Variants in COL18A1 observed in about 807,000 individuals in gnomAD.
COL18A1 encodes the protein collagen alpha-1(XVIII) chain.
Under a neutral mutation model 168.0 loss-of-function variants are expected in COL18A1, and 133 were observed. That is an observed-to-expected ratio of 0.79 (90% confidence interval 0.69 to 0.91). The LOEUF is 0.91. Ranked by LOEUF, COL18A1 falls within the 40% of genes least tolerant of loss-of-function variation. The pLI is 0.00. For synonymous variants in COL18A1, 949 were observed against 809.0 expected (o/e 1.17, Z -2.94); for missense variants, 2,126 against 1,925.4 (o/e 1.10, Z -1.95).
intron 38 of COL18A1, among the ~76,000 whole-genome samples, chr21:45,507,989 A>C (rs965294747): frequency 2.6e-5 from 4 of 152,114 alleles, no homozygotes; most frequent in African/African-American, 9.7e-5. Context: ...GGGTGAATCA[A>C]TGGGGAGGTG....
chr21:45,485,149 ATTTTTTTTTTT>A (rs751718038), intron 15 of COL18A1, among the ~76,000 whole-genome samples: 11 of 55,084 alleles, frequency 2.0e-4, no homozygotes, highest in South Asian at 6.3e-4. Flanking sequence ...CACCTGGCTA[ATTTTTTTTTTT>A]TTTTTTTTTT....
At chr21:45,486,654 TCTC>T (rs2036124431) in intron 15 of COL18A1, among the ~76,000 whole-genome samples, 1 of 152,346 alleles carries the variant, frequency 6.6e-6, no homozygotes, top group African/African-American at 2.4e-5. Flanking sequence ...TCCGTGGCTC[TCTC>T]CTCAGTTGTG....
chr21:45,500,128 TGTG>T (rs2036691392), intron 32 of COL18A1, among the ~76,000 whole-genome samples: 1 of 136,432 alleles, frequency 7.3e-6, no homozygotes, highest in Admixed American at 7.3e-5. Flanking sequence ...AGTGTGGGGG[TGTG>T]GGTGGAGTGT....
chr21:45,487,072 C>T, intron 16 of COL18A1, 80 bp downstream of exon 16: 2 of 1,311,514 alleles, frequency 1.5e-6, no homozygotes, highest in South Asian at 1.5e-5. Flanking sequence ...GCATCTCACT[C>T]ACAGAGCAGC....
At chr21:45,408,441 C>T (rs2033187626) in intron 2 of COL18A1, 1 of 152,306 alleles carries the variant, frequency 6.6e-6, no homozygotes, top group African/African-American at 2.4e-5. Flanking sequence ...CTCAGAGTGC[C>T]TTGTTCTGTC....
intron 2 of COL18A1, among the ~76,000 whole-genome samples, chr21:45,415,754 C>T (rs770225865): frequency 5.6e-4 from 85 of 152,362 alleles, no homozygotes; most frequent in African/African-American, 1.5e-3. Context: ...GAAGCACTCC[C>T]GGAAAGTGCC....
intron 2 of COL18A1, among the ~76,000 whole-genome samples, chr21:45,448,494 T>C (rs532031381): frequency 1.3e-5 from 2 of 152,368 alleles, no homozygotes; most frequent in African/African-American, 4.8e-5. Flanking sequence ...TATCCATGCA[T>C]GCATGTATCC....
intron 32 of COL18A1, chr21:45,502,544 A>G (rs939755364): frequency 1.3e-5 from 2 of 152,230 alleles, no homozygotes; most frequent in African/African-American, 4.8e-5. Context: ...TGTTTTATAT[A>G]TAAAAATAGC....
chr21:45,512,121 C>G (rs775479244), intron 41 of COL18A1, 67 bp from the exon 42 acceptor site: 1 of 1,532,094 alleles, frequency 6.5e-7, no homozygotes, highest in South Asian at 1.2e-5. Context: ...CTTTCCTGCC[C>G]GGGGAGCGGC....
chr21:45,512,476 C>A lies in COL18A1; in HGVS notation c.*78C>A. 7.2e-7 allele frequency: 1 copy of A among 1,390,934 alleles called. No homozygotes were observed. Among genetic ancestry groups the A allele is most frequent in the Non-Finnish European group, 1.0e-6 (1 of 1,001,870 alleles). The allele number at this position is 1,390,934 out of a possible 1,614,324, so 86.2% of individuals were successfully genotyped here. A position where few individuals can be genotyped will look rare whatever the true frequency, so the allele number is the denominator to read the frequency against. On this transcript the variant is annotated 3_prime_UTR_variant, in exon 42 of 42. Transcript: ENST00000651438. ...CCACCGTGGGCAGGGAGCGGCCGGCCAGCCCCTGGCCCCAGGACCTGGCTG... is the reference window on the plus strand; with the variant it reads ...CCACCGTGGGCAGGGAGCGGCCGGCAAGCCCCTGGCCCCAGGACCTGGCTG...
intron 34 of COL18A1, 128 bp from the exon 35 acceptor site, chr21:45,505,006 G>A: frequency 8.3e-7 from 1 of 1,211,010 alleles, no homozygotes; most frequent in Non-Finnish European, 1.2e-6. Context: ...GGCGTGGGCA[G>A]GGAGGGGACC....
chr21:45,407,031 A>C (rs1321490202), intron 2 of COL18A1, among the ~76,000 whole-genome samples: 2 of 151,852 alleles, frequency 1.3e-5, no homozygotes, highest in Non-Finnish European at 2.9e-5. Flanking sequence ...GCGGGTGGCC[A>C]GGAGGCTGAA....
chr21:45,507,841 C>T (rs2037314749), intron 38 of COL18A1, among the ~76,000 whole-genome samples: 1 of 152,228 alleles, frequency 6.6e-6, no homozygotes, highest in South Asian at 2.1e-4. Context: ...TCAACTTTCC[C>T]AGTTGTGTCT....
chr21:45,406,282 C>T (rs919970854), intron 2 of COL18A1, among the ~76,000 whole-genome samples: 2 of 152,196 alleles, frequency 1.3e-5, no homozygotes, highest in African/African-American at 4.8e-5. Context: ...TGGAATCCCA[C>T]CCGGGGGTCC....
intron 4 of COL18A1, among the ~76,000 whole-genome samples, chr21:45,474,803 G>T (rs1317688018): frequency 6.8e-6 from 1 of 146,948 alleles, no homozygotes; most frequent in Non-Finnish European, 1.5e-5. Context: ...AGACACCGTG[G>T]CTGGACTGTG....
intron 2 of COL18A1, among the ~76,000 whole-genome samples, chr21:45,454,461 G>A (rs1467939201): frequency 6.6e-6 from 1 of 152,198 alleles, no homozygotes; most frequent in Non-Finnish European, 1.5e-5. Flanking sequence ...GCACTGAGGG[G>A]GTGGGTGGAT....
chr21:45,456,656 C>A, intron 2 of COL18A1: 8 of 1,534,680 alleles, frequency 5.2e-6, no homozygotes, highest in Non-Finnish European at 7.0e-6. Context: ...GTGGGGGGGC[C>A]TGCTGCAGAC....
At chr21:45,479,703 C>G (rs2035825178) in intron 9 of COL18A1, among the ~76,000 whole-genome samples, 199 bp from the exon 10 acceptor site, 1 of 152,134 alleles carries the variant, frequency 6.6e-6, no homozygotes, top group Non-Finnish European at 1.5e-5. Flanking sequence ...CGCAGCTTCC[C>G]CCAGGCGTGG....
At chr21:45,411,170 C>T (rs891930915) in intron 2 of COL18A1, among the ~76,000 whole-genome samples, 3 of 152,208 alleles carry the variant, frequency 2.0e-5, no homozygotes, top group African/African-American at 7.2e-5. Flanking sequence ...CCCAGCCCTG[C>T]AGCTGCCAGT....
Sources: allele counts gnomAD v4.1 joint callset (sites outside exome capture counted in the v4.1 genomes callset), GRCh38; gene constraint gnomAD v4.1.1; transcripts MANE v1.5; gene names NCBI Gene and HGNC (gene_info 2026-07-23, HGNC 2026-07-21).